Variants in BNC2 observed in about 807,000 individuals in gnomAD.
BNC2 encodes the protein zinc finger protein basonuclin-2.
Under a neutral mutation model 76.3 loss-of-function variants are expected in BNC2, and 20 were observed. That is an observed-to-expected ratio of 0.26 (90% confidence interval 0.18 to 0.38). The LOEUF is 0.38. BNC2 is among the 10% of genes least tolerant of loss of function. The probability of loss-of-function intolerance (pLI) is 1.00; values close to 1 mark genes in which losing one functional copy is unlikely to be tolerated. For missense variants in BNC2, 1,382 were observed against 1,399.8 expected (o/e 0.99, Z 0.20); for synonymous variants, 582 against 514.8 (o/e 1.13, Z -1.77).
intron 1 of BNC2, among the ~76,000 whole-genome samples, chr9:16,800,172 C>T (rs1817747540): frequency 6.6e-6 from 1 of 151,604 alleles, no homozygotes; most frequent in Non-Finnish European, 1.5e-5. Flanking sequence ...TTGCAGTGAG[C>T]CGAGATTGCA....
intron 5 of BNC2, among the ~76,000 whole-genome samples, chr9:16,522,388 G>A (rs1004209520): frequency 6.6e-6 from 1 of 152,240 alleles, no homozygotes; most frequent in Non-Finnish European, 1.5e-5. Flanking sequence ...CCAAGTGACA[G>A]AGAAGAAATA....
chr9:16,775,193 G>A (rs10962584), intron 1 of BNC2, among the ~76,000 whole-genome samples: 3,061 of 152,256 alleles, frequency 0.02, 128 homozygotes, highest in East Asian at 0.18. Context: ...CACAAGACAA[G>A]CAAGTGATAC....
At chr9:16,464,083 GA>G in intron 5 of BNC2, among the ~76,000 whole-genome samples, 1 of 99,214 alleles carries the variant, frequency 1.0e-5, no homozygotes, top group East Asian at 3.1e-4. Context: ...GACAGGGCAA[GA>G]CCCTGTCTCC....
intron 1 of BNC2, among the ~76,000 whole-genome samples, chr9:16,837,504 G>A (rs867130773): frequency 7.2e-5 from 11 of 151,982 alleles, no homozygotes; most frequent in East Asian, 5.8e-4. Flanking sequence ...ACTCCATCCC[G>A]AAAAGAAAAA....
At chr9:16,605,575 A>G (rs1354209421) in intron 3 of BNC2, among the ~76,000 whole-genome samples, 2 of 152,242 alleles carry the variant, frequency 1.3e-5, no homozygotes, top group Non-Finnish European at 2.9e-5. Flanking sequence ...CAAGTGCTAC[A>G]TAAAACTGTT....
intron 3 of BNC2, among the ~76,000 whole-genome samples, chr9:16,586,020 C>T (rs930363152): frequency 6.6e-6 from 1 of 152,172 alleles, no homozygotes; most frequent in South Asian, 2.1e-4. Context: ...AGCAGGCCTC[C>T]AGGACCCAGC....
intron 3 of BNC2, among the ~76,000 whole-genome samples, chr9:16,696,877 A>T (rs1823354291): frequency 6.6e-6 from 1 of 152,194 alleles, no homozygotes; most frequent in Non-Finnish European, 1.5e-5. Flanking sequence ...TTTTTCAAGT[A>T]TAATTTAGCC....
At chr9:16,677,133 T>C (rs944477048) in intron 3 of BNC2, among the ~76,000 whole-genome samples, 2 of 152,196 alleles carry the variant, frequency 1.3e-5, no homozygotes, top group Non-Finnish European at 1.5e-5. Flanking sequence ...GTAAAAGTAA[T>C]TTACACAGTA....
At position 16,788,791 on chromosome 9, in the gene BNC2, T is replaced by G. The variant is rs147982902; in HGVS notation, c.4-50306A>C. Among the ~76,000 whole-genome samples, 188 of 152,114 alleles carry G rather than the reference T, an allele frequency of 1.2e-3. 2 individuals carry two copies. The highest frequency in any genetic ancestry group is 1.4e-3 in the Non-Finnish European group (93 of 68,022). On this transcript the variant is annotated intron_variant, in intron 1 of 6. Transcript: ENST00000380672. ...TCATATGCCTCACACCCTGCCAAGG[T>G]TGACTTGCAGGACAATCCCACACTC...
intron 3 of BNC2, among the ~76,000 whole-genome samples, chr9:16,677,199 A>C (rs1822668476): frequency 6.6e-6 from 1 of 152,166 alleles, no homozygotes; most frequent in African/African-American, 2.4e-5. Context: ...ATCTCCTTCA[A>C]TCTGTCCGAC....
chr9:16,729,763 C>G (rs1352397524), intron 2 of BNC2, among the ~76,000 whole-genome samples: 1 of 152,096 alleles, frequency 6.6e-6, no homozygotes, highest in Non-Finnish European at 1.5e-5. Flanking sequence ...AGCTATTACC[C>G]ACTTAAACTC....
chr9:16,746,662 G>A (rs1206775040), intron 1 of BNC2, among the ~76,000 whole-genome samples: 1 of 150,764 alleles, frequency 6.6e-6, no homozygotes, highest in Non-Finnish European at 1.5e-5. Flanking sequence ...ACCGCGCCTG[G>A]CCTAAACTTA....
chr9:16,441,848 A>G lies in BNC2; in HGVS notation c.670-4324T>C, dbSNP rs1821135441. 2.6e-5 allele frequency among the ~76,000 whole-genome samples: 4 copies of G among 152,240 alleles called. No homozygotes were observed. In the East Asian group the frequency reaches 7.7e-4, roughly 29 times the overall value. ...TATAAATTGTCAAATAAACTTTACAAAAGTAAATTGGAGCTATAAAAAGAA... is the reference window on the plus strand; with the variant it reads ...TATAAATTGTCAAATAAACTTTACAGAAGTAAATTGGAGCTATAAAAAGAA... On this transcript the variant is annotated intron_variant, in intron 5 of 6. Transcript: ENST00000380672.
At position 16,774,326 on chromosome 9, in the gene BNC2, T is replaced by A. The variant is rs868589782; in HGVS notation, c.4-35841A>T. On this transcript the variant is annotated intron_variant, in intron 1 of 6. Transcript: ENST00000380672. Reference sequence around the variant, plus strand: ...ATAAGTACAACTACTATTCGTTACATCTGATAAGGAACCAGAACTGCACAT... The same window carrying A: ...ATAAGTACAACTACTATTCGTTACAACTGATAAGGAACCAGAACTGCACAT... Among the ~76,000 whole-genome samples the A allele has an allele frequency of 3.3e-5, 5 of 152,306 alleles. 1 individual carries two copies. In the Middle Eastern group the frequency reaches 0.01, roughly 311 times the overall value.
intron 4 of BNC2, among the ~76,000 whole-genome samples, chr9:16,560,073 A>G (rs772196004): frequency 9.9e-5 from 15 of 152,232 alleles, no homozygotes; most frequent in Non-Finnish European, 1.9e-4. Context: ...CATTGTGTGC[A>G]TCAGAATCAA....
intron 1 of BNC2, among the ~76,000 whole-genome samples, chr9:16,841,814 G>GTT (rs56358820): frequency 0.016 from 2,416 of 146,444 alleles, 34 homozygotes; most frequent in African/African-American, 0.04. Flanking sequence ...TATCAAATTT[G>GTT]TTTTTTTTTT....
At chr9:16,694,792 C>A (rs1025008201) in intron 3 of BNC2, among the ~76,000 whole-genome samples, 1 of 152,090 alleles carries the variant, frequency 6.6e-6, no homozygotes, top group Non-Finnish European at 1.5e-5. Context: ...CACAATCCCC[C>A]CTCCAAGCCT....
chr9:16,705,379 A>T (rs1823637199), intron 3 of BNC2, among the ~76,000 whole-genome samples: 1 of 152,290 alleles, frequency 6.6e-6, no homozygotes, highest in South Asian at 2.1e-4. Context: ...CCACACACTG[A>T]GCACAGAGGG....
At chr9:16,839,769 G>A (rs1304073514) in intron 1 of BNC2, among the ~76,000 whole-genome samples, 1 of 152,192 alleles carries the variant, frequency 6.6e-6, no homozygotes, top group Non-Finnish European at 1.5e-5. Context: ...TTACAGCCAA[G>A]AAAAACGTAA....
Sources: gnomAD v4.1 joint callset for allele counts (sites outside exome capture counted in the v4.1 genomes callset) on GRCh38, gnomAD v4.1.1 for gene constraint, MANE v1.5 for transcripts, NCBI Gene and HGNC (gene_info 2026-07-23, HGNC 2026-07-21) for gene names.